VPS13B: variants seen among roughly 807,000 people sequenced by gnomAD.
VPS13B encodes intermembrane lipid transfer protein VPS13B.
VPS13B carries 285 observed loss-of-function variants against 426.4 expected under a neutral mutation model. That is an observed-to-expected ratio of 0.67 (90% CI 0.61 to 0.74). VPS13B has a LOEUF of 0.74. VPS13B is among the 30% of genes least tolerant of loss of function. The pLI, the probability that VPS13B is intolerant of heterozygous loss-of-function variation, is 0.00. For missense variants in VPS13B, 4,537 were observed against 4,782.6 expected (o/e 0.95, Z 1.51); for synonymous variants, 1,676 against 1,676.4 (o/e 1.00, Z 0.01).
intron 40 of VPS13B, among the ~76,000 whole-genome samples, chr8:99,773,636 T>C (rs1233212285): frequency 6.6e-6 from 1 of 152,174 alleles, no homozygotes; most frequent in East Asian, 1.9e-4. Context: ...AAAACAACAC[T>C]TAAATAACCC....
At chr8:99,168,374 G>C (rs1812137738) in intron 15 of VPS13B, among the ~76,000 whole-genome samples, 1 of 152,026 alleles carries the variant, frequency 6.6e-6, no homozygotes, top group Admixed American at 6.5e-5. Flanking sequence ...TTGGTAGATA[G>C]TGTCTGTGAT....
At chr8:99,246,190 G>A (rs1414445840) in intron 17 of VPS13B, among the ~76,000 whole-genome samples, 1 of 152,124 alleles carries the variant, frequency 6.6e-6, no homozygotes, top group Non-Finnish European at 1.5e-5. Flanking sequence ...TATCAAAATC[G>A]CTTTGCCTCT....
At chr8:99,187,398 GATTTATGA>G (rs1813279783) in intron 16 of VPS13B, among the ~76,000 whole-genome samples, 1 of 152,118 alleles carries the variant, frequency 6.6e-6, no homozygotes, top group South Asian at 2.1e-4. Flanking sequence ...ATTACATTCA[GATTTATGA>G]ATTGAGTCAT....
At chr8:99,273,160 T>G (rs61387340) in intron 17 of VPS13B, among the ~76,000 whole-genome samples, 15 of 121,868 alleles carry the variant, frequency 1.2e-4, no homozygotes, top group African/African-American at 4.4e-4. Flanking sequence ...ACTCAGGTAG[T>G]TTTTTTTTTT....
chr8:99,426,999 C>A (rs1816751121), intron 21 of VPS13B, among the ~76,000 whole-genome samples: 1 of 57,020 alleles, frequency 1.8e-5, no homozygotes, highest in Non-Finnish European at 3.2e-5. Context: ...ATGCCTATGT[C>A]CTGAATGGTC....
chr8:99,473,556 A>G (rs1341953014), intron 24 of VPS13B, among the ~76,000 whole-genome samples: 1 of 152,134 alleles, frequency 6.6e-6, no homozygotes, highest in Non-Finnish European at 1.5e-5. Flanking sequence ...AATGGTAAAT[A>G]TCATACGTAA....
intron 17 of VPS13B, among the ~76,000 whole-genome samples, chr8:99,200,148 C>G (rs1446357073): frequency 6.6e-6 from 1 of 152,124 alleles, no homozygotes; most frequent in Non-Finnish European, 1.5e-5. Flanking sequence ...ACATAAAATG[C>G]AGTTCTTTGT....
At chr8:99,081,975 C>T (rs1357021534) in intron 3 of VPS13B, among the ~76,000 whole-genome samples, 1 of 151,966 alleles carries the variant, frequency 6.6e-6, no homozygotes, top group African/African-American at 2.4e-5. Context: ...GAGTATATAC[C>T]CAGTAATGGG....
chr8:99,802,121 G>T (rs1458145405), intron 43 of VPS13B, among the ~76,000 whole-genome samples: 1 of 150,992 alleles, frequency 6.6e-6, no homozygotes, highest in East Asian at 1.9e-4. Flanking sequence ...CTACACTCAA[G>T]TCTGGGCAAT....
intron 31 of VPS13B, among the ~76,000 whole-genome samples, chr8:99,565,799 G>T (rs1363662679): frequency 1.3e-5 from 2 of 152,066 alleles, no homozygotes; most frequent in East Asian, 3.9e-4. Context: ...TTACTAATTT[G>T]TGAGGACGTC....
intron 39 of VPS13B, among the ~76,000 whole-genome samples, chr8:99,741,828 T>C (rs1212970123): frequency 6.6e-6 from 1 of 152,158 alleles, no homozygotes; most frequent in East Asian, 1.9e-4. Context: ...CAAAGCAGTG[T>C]GTAGAGGGAA....
At chr8:99,034,291 A>C (rs918527402) in intron 2 of VPS13B, among the ~76,000 whole-genome samples, 1 of 152,168 alleles carries the variant, frequency 6.6e-6, no homozygotes, top group African/African-American at 2.4e-5. Flanking sequence ...ACTATAACTT[A>C]GTCATCAGCC....
intron 33 of VPS13B, among the ~76,000 whole-genome samples, chr8:99,616,910 A>G (rs1828119520): frequency 6.6e-6 from 1 of 152,244 alleles, no homozygotes; most frequent in African/African-American, 2.4e-5. Context: ...ATTTGAAATA[A>G]TTGACTGAAG....
rs72676238 is a variant in VPS13B, at chr8:99,684,533, G to A, written c.6047-14992G>A. Among the ~76,000 whole-genome samples, 789 of 152,218 alleles carry A rather than the reference G, an allele frequency of 5.2e-3. 3 individuals are homozygous for A. The highest frequency in any genetic ancestry group is 0.023 in the South Asian group (111 of 4,828). ...GGCTGCCATTAGTCTAGGATAAGGG[G>A]GTAGGGGAGGAAAAATTAGAAACTC... is the stretch of plus-strand genomic sequence containing the variant. On this transcript the variant is annotated intron_variant, in intron 35 of 61. Transcript: ENST00000357162.
chr8:99,497,137 A>T (rs1283749277), intron 25 of VPS13B, among the ~76,000 whole-genome samples: 1 of 139,560 alleles, frequency 7.2e-6, no homozygotes, highest in Non-Finnish European at 1.5e-5. Flanking sequence ...TTCATATATA[A>T]ATATATATAT....
At chr8:99,281,294 G>T (rs970698630) in intron 19 of VPS13B, among the ~76,000 whole-genome samples, 2 of 152,208 alleles carry the variant, frequency 1.3e-5, no homozygotes, top group African/African-American at 4.8e-5. Flanking sequence ...ACAGGCCACG[G>T]ACTAGTACAG....
At chr8:99,621,136 G>T (rs1828332839) in intron 33 of VPS13B, among the ~76,000 whole-genome samples, 1 of 152,052 alleles carries the variant, frequency 6.6e-6, no homozygotes. Context: ...ACAGAATTTT[G>T]TTGTTGGTTT....
At chr8:99,500,382 T>G (rs1821163082) in intron 25 of VPS13B, among the ~76,000 whole-genome samples, 19 of 152,184 alleles carry the variant, frequency 1.2e-4, no homozygotes, top group Admixed American at 1.2e-3. Flanking sequence ...TTCTTAAGCA[T>G]TAGTTCAACT....
chr8:99,183,887 C>T (rs920870624), intron 16 of VPS13B, among the ~76,000 whole-genome samples: 2 of 152,122 alleles, frequency 1.3e-5, no homozygotes, highest in Non-Finnish European at 2.9e-5. Context: ...ATTAGATCCT[C>T]TTTGTTACAG....
Sources: gnomAD v4.1 joint callset for allele counts (sites outside exome capture counted in the v4.1 genomes callset) on GRCh38, gnomAD v4.1.1 for gene constraint, MANE v1.5 for transcripts, NCBI Gene and HGNC (gene_info 2026-07-23, HGNC 2026-07-21) for gene names.